MYO1E: variants seen among roughly 807,000 people sequenced by gnomAD.
MYO1E encodes unconventional myosin-Ie.
A neutral mutation model predicts 151.1 loss-of-function variants in MYO1E; 68 were observed. The observed-to-expected ratio is 0.45, with a 90% CI of 0.37 to 0.55. The LOEUF (loss-of-function observed/expected upper bound fraction) is 0.55. MYO1E is among the 20% of genes least tolerant of loss of function. The pLI is 0.00. For missense variants in MYO1E, 1,363 were observed against 1,389.3 expected, an observed-to-expected ratio of 0.98 and a Z score of 0.30; for synonymous variants, 601 against 501.7, an observed-to-expected ratio of 1.20 and a Z score of -2.64.
At chr15:59,255,794 C>T (rs1296440285) in intron 4 of MYO1E, among the ~76,000 whole-genome samples, 2 of 152,342 alleles carry the variant, frequency 1.3e-5, no homozygotes, top group African/African-American at 2.4e-5. Flanking sequence ...CCGCATGTGG[C>T]CCATGGCCTG....
At chr15:59,169,746 T>C (rs954709728) in intron 22 of MYO1E, among the ~76,000 whole-genome samples, 1 of 151,946 alleles carries the variant, frequency 6.6e-6, no homozygotes, top group Non-Finnish European at 1.5e-5. Flanking sequence ...AAGAAGACAA[T>C]AAACAAACAA....
chr15:59,174,737 G>T (rs2079614862), intron 19 of MYO1E, among the ~76,000 whole-genome samples: 1 of 152,086 alleles, frequency 6.6e-6, no homozygotes, highest in Non-Finnish European at 1.5e-5. Context: ...TCAGTTCCAA[G>T]AAAATATAGA....
At chr15:59,185,095 A>G (rs1201154398) in intron 18 of MYO1E, among the ~76,000 whole-genome samples, 1 of 152,116 alleles carries the variant, frequency 6.6e-6, no homozygotes, top group Non-Finnish European at 1.5e-5. Flanking sequence ...TTTTTGAGAA[A>G]TGTCTCTTGA....
intron 4 of MYO1E, among the ~76,000 whole-genome samples, chr15:59,240,388 G>C (rs1318915389): frequency 6.6e-6 from 1 of 152,084 alleles, no homozygotes; most frequent in Non-Finnish European, 1.5e-5. Flanking sequence ...CTGTGTGTGG[G>C]GGGGGTCTGT....
In MYO1E at chr15:59,200,873, G is replaced by A. The variant is rs537570157; in HGVS notation, c.1698+1453C>T. ...GGGAAGCGGTGAGGGCACTGAGAGC[G>A]TAAGTAACACCTTGGCAAGCACACA... is the stretch of plus-strand genomic sequence containing the variant. On this transcript the variant is annotated intron_variant, in intron 16 of 27. Coordinates refer to ENST00000288235, the MANE Select transcript of MYO1E (RefSeq NM_004998.4). Among the ~76,000 whole-genome samples the A allele has an allele frequency of 6.6e-5, 10 of 152,056 alleles. No individual in the cohort carries two copies. The East Asian group carries it at 1.7e-3, about 26-fold the overall frequency.
chr15:59,325,253 C>G (rs540788055), intron 1 of MYO1E, among the ~76,000 whole-genome samples: 16 of 152,252 alleles, frequency 1.1e-4, no homozygotes, highest in African/African-American at 3.4e-4. Context: ...CCAGGATGGT[C>G]TCCATCTCTT....
intron 1 of MYO1E, among the ~76,000 whole-genome samples, chr15:59,353,303 G>C (rs2080833998): frequency 7.3e-6 from 1 of 136,762 alleles, no homozygotes; most frequent in Non-Finnish European, 1.5e-5. Flanking sequence ...GCTGCAGTGA[G>C]CTGTGATGGC....
At chr15:59,172,140 T>C (rs2079599172) in intron 21 of MYO1E, 98 bp from the exon 22 acceptor site, 1 of 1,388,604 alleles carries the variant, frequency 7.2e-7, no homozygotes, top group East Asian at 2.4e-5. Context: ...GTGAATCACC[T>C]GAGGTCAGGA....
chr15:59,229,003 C>T (rs1366268666), intron 6 of MYO1E, among the ~76,000 whole-genome samples: 2 of 152,186 alleles, frequency 1.3e-5, no homozygotes, highest in Non-Finnish European at 1.5e-5. Context: ...CACCAGCCAT[C>T]GCTCTGCGGA....
chr15:59,346,943 A>G (rs920012908), intron 1 of MYO1E, among the ~76,000 whole-genome samples: 24 of 152,028 alleles, frequency 1.6e-4, no homozygotes, highest in African/African-American at 5.8e-4. Flanking sequence ...AAAAAAGTGA[A>G]AGAATTGTGT....
intron 10 of MYO1E, among the ~76,000 whole-genome samples, chr15:59,215,199 G>A (rs950313705): frequency 4.6e-5 from 7 of 152,000 alleles, no homozygotes; most frequent in Middle Eastern, 3.4e-3. Context: ...TTATAGAGAG[G>A]GTGAGCTATC....
intron 1 of MYO1E, among the ~76,000 whole-genome samples, chr15:59,326,991 C>G (rs755103772): frequency 2.6e-5 from 4 of 152,156 alleles, no homozygotes; most frequent in Non-Finnish European, 4.4e-5. Flanking sequence ...ATCCTGAGCA[C>G]CAGGCTTCAG....
intron 1 of MYO1E, among the ~76,000 whole-genome samples, chr15:59,282,953 GAGAGGGGAGGGGAAAGGGGAAAGGGGAA>G: frequency 1.7e-4 from 1 of 6,060 alleles, no homozygotes. Flanking sequence ...GGGGAGGGGG[GAGAGGGGAGGGGAAAGGGGAAAGGGGAA>G]AGGGGAAAGG....
Position 59,298,265 on chromosome 15 carries a change from C to T in MYO1E, c.4-25816G>A, listed in dbSNP as rs971336821. Among the ~76,000 whole-genome samples, 14 of 152,092 alleles carry T rather than the reference C, an allele frequency of 9.2e-5. No individual in the cohort carries two copies. The South Asian group carries it at 1.2e-3, about 13-fold the overall frequency. On this transcript the variant is annotated intron_variant, in intron 1 of 27. Coordinates refer to ENST00000288235, the MANE Select transcript of MYO1E (RefSeq NM_004998.4). Reference sequence around the variant, plus strand: ...TACCCTGGGGGAATGTATTAAACTCCGAAACTGAGTTTTTCAGACAGTCAA... The same window carrying T: ...TACCCTGGGGGAATGTATTAAACTCTGAAACTGAGTTTTTCAGACAGTCAA...
intron 2 of MYO1E, among the ~76,000 whole-genome samples, chr15:59,270,178 G>A (rs10400804): frequency 0.96 from 146,040 of 152,330 alleles, 70,230 homozygotes; most frequent in Non-Finnish European, 1. Context: ...TTAAATGTTT[G>A]CACCACACAC....
At chr15:59,224,663 C>G (rs367597228) in intron 8 of MYO1E, 26 bp downstream of exon 8, 31 of 1,614,000 alleles carry the variant, frequency 1.9e-5, no homozygotes, top group Non-Finnish European at 2.6e-5. Context: ...AGAGCAGATC[C>G]TGCCTGGCCC....
chr15:59,368,039 A>T (rs892726713), intron 1 of MYO1E, among the ~76,000 whole-genome samples: 2 of 152,156 alleles, frequency 1.3e-5, no homozygotes, highest in South Asian at 2.1e-4. Context: ...GAATTGCTTG[A>T]ACCTGGGAGG....
chr15:59,220,782 G>C (rs1426323379), intron 9 of MYO1E, among the ~76,000 whole-genome samples: 1 of 151,526 alleles, frequency 6.6e-6, no homozygotes, highest in Admixed American at 6.6e-5. Context: ...CCAATGAATG[G>C]AATGCTATGC....
At chr15:59,330,266 C>G (rs778428487) in intron 1 of MYO1E, among the ~76,000 whole-genome samples, 2 of 152,148 alleles carry the variant, frequency 1.3e-5, no homozygotes, top group African/African-American at 4.8e-5. Context: ...AATCAAGCAG[C>G]AAGGCATTCT....
Sources: allele counts gnomAD v4.1 joint callset (sites outside exome capture counted in the v4.1 genomes callset), GRCh38; gene constraint gnomAD v4.1.1; transcripts MANE v1.5; gene names NCBI Gene and HGNC (gene_info 2026-07-23, HGNC 2026-07-21).